RND2: variants seen among roughly 807,000 people sequenced by gnomAD.
The protein encoded by RND2 is rho-related GTP-binding protein RhoN.
A neutral mutation model predicts 25.9 loss-of-function variants in RND2; 16 were observed. That is an observed-to-expected ratio of 0.62 (90% CI 0.42 to 0.94). The LOEUF (loss-of-function observed/expected upper bound fraction) is 0.94, where lower values mean the gene tolerates loss of function less well. RND2 is among the 40% of genes least tolerant of loss of function. The pLI, the probability that RND2 is intolerant of heterozygous loss-of-function variation, is 0.00. For synonymous variants in RND2, 97 were observed against 118.1 expected, an observed-to-expected ratio of 0.82 and a Z score of 1.16; for missense variants, 276 against 305.5, an observed-to-expected ratio of 0.90 and a Z score of 0.72.
In RND2 at chr17:43,025,352, A is replaced by T; in HGVS notation, c.5A>T (p.Glu2Val). Residue 2 changes from glutamate (E) to valine (V), a missense_variant, in exon 1 of 5, where the codon GAG (glutamate) becomes GTG (valine). Coordinates refer to ENST00000587250, the MANE Select transcript of RND2 (RefSeq NM_005440.5). ...GACCGGCGCGTAGCCGGGACCATGG[A>T]GGGGCAGAGCGGCCGCTGCAAGATC... M[E>V]GQSGRCKIVV... 4 of 1,543,792 alleles carry T rather than the reference A, an allele frequency of 2.6e-6. No homozygotes were observed. The highest frequency in any genetic ancestry group is 3.5e-6 in the Non-Finnish European group (4 of 1,144,510).
chr17:43,026,412 G>T (rs1292395023), intron 2 of RND2, among the ~76,000 whole-genome samples: 1 of 152,206 alleles, frequency 6.6e-6, no homozygotes, highest in Admixed American at 6.5e-5. Flanking sequence ...CACTTTGGGA[G>T]GCTGGGGTGG....
At chr17:43,025,529 T>A in intron 1 of RND2, 80 bp downstream of exon 1, 1 of 1,435,976 alleles carries the variant, frequency 7.0e-7, no homozygotes, top group Non-Finnish European at 9.2e-7. Flanking sequence ...CGGATGGGAA[T>A]GGGTACTCGG....
Position 43,025,239 on chromosome 17 carries a change from G to A in RND2, c.-109G>A. On this transcript the variant is annotated 5_prime_UTR_variant, in exon 1 of 5. Transcript: ENST00000587250. ...CGGGGCGGGGGCTCGGCGCGGGCCC[G>A]CGAGATGCCGGTGTTGGCGGCCCGA... 2 of 921,126 alleles carry A rather than the reference G, an allele frequency of 2.2e-6. No homozygotes were observed. The highest frequency in any genetic ancestry group is 2.8e-6 in the Non-Finnish European group (2 of 716,746). The allele number at this position is 921,126 out of a possible 1,614,324, so 57.1% of individuals were successfully genotyped here.
In RND2 at chr17:43,028,650, G is replaced by A. The variant is rs1175424643; in HGVS notation, c.654G>A (p.Lys218=). 1.9e-6 allele frequency: 3 copies of A among 1,594,258 alleles called. No individual in the cohort carries two copies. In the East Asian group the frequency reaches 6.8e-5, roughly 36 times the overall value. ...GGGGGAATGAGGGCGAGATACACAAGGATCGAGCCAAAAGCTGCAACCTCA... is the reference window on the plus strand; with the variant it reads ...GGGGGAATGAGGGCGAGATACACAAAGATCGAGCCAAAAGCTGCAACCTCA... ...PDRGNEGEIH[K]DRAKSCNLM Residue 218 remains lysine, a synonymous_variant, in exon 5 of 5, where the codon AAG becomes AAA. Coordinates refer to ENST00000587250, the MANE Select transcript of RND2 (RefSeq NM_005440.5).
Position 43,026,014 on chromosome 17 carries a change from C to T in RND2, c.157C>T (p.Arg53Cys). ...NYTASFEIDK[R>C]RIELNMWDTS... ...CACTGCGAGCTTTGAGATCGACAAGCGCCGCATTGAGCTCAACATGTGGGA... is the reference window on the plus strand; with the variant it reads ...CACTGCGAGCTTTGAGATCGACAAGTGCCGCATTGAGCTCAACATGTGGGA... Residue 53 changes from arginine (R) to cysteine (C), a missense_variant, in exon 2 of 5, where the codon CGC (arginine) becomes TGC (cysteine). Arg to Cys is a radical substitution (Grantham distance 180). Transcript: ENST00000587250. 9 of 1,612,898 alleles carry T rather than the reference C, an allele frequency of 5.6e-6. No homozygotes were observed. Among genetic ancestry groups the T allele is most frequent in the Non-Finnish European group, 7.6e-6 (9 of 1,179,110 alleles).
rs2050670527 is a variant in RND2, at chr17:43,031,318, T to C, written c.*2638T>C. 1 of 152,122 alleles carries C rather than the reference T, an allele frequency of 6.6e-6. No individual in the cohort carries two copies. Among genetic ancestry groups the C allele is most frequent in the African/African-American group, 2.4e-5 (1 of 41,412 alleles). The allele number at this position is 152,122 out of a possible 1,614,324, so 9.4% of individuals were successfully genotyped here. A position where few individuals can be genotyped will look rare whatever the true frequency, so the allele number is the denominator to read the frequency against. ...ATAACTTCAATGGCATTTGAAATTA[T>C]CTAAGTGTGCTTGGATAACCACCCC... On this transcript the variant is annotated 3_prime_UTR_variant, in exon 5 of 5. Coordinates refer to ENST00000587250, the MANE Select transcript of RND2 (RefSeq NM_005440.5).
In RND2 at chr17:43,027,183, G is replaced by T. The variant is rs763612742; in HGVS notation, c.191G>T (p.Gly64Val). 46 of 1,593,796 alleles carry T rather than the reference G, an allele frequency of 2.9e-5. No individual in the cohort carries two copies. The highest frequency in any genetic ancestry group is 3.6e-5 in the Non-Finnish European group (42 of 1,168,790). ...CCCCTCATGCCCTGTCTTCCTTCAG[G>T]TTCCTCTTACTATGATAATGTCCGG... The part of the protein sequence containing the change: ...RIELNMWDTS[G>V]SSYYDNVRPL... Residue 64 changes from glycine to valine, a missense_variant and splice_region_variant, in exon 3 of 5, where the codon GGT becomes GTT. Physicochemically the swap from Gly to Val is moderately radical, Grantham distance 109. Transcript: ENST00000587250.
chr17:43,026,674 T>G (rs2050625708), intron 2 of RND2, among the ~76,000 whole-genome samples: 1 of 151,960 alleles, frequency 6.6e-6, no homozygotes, highest in Admixed American at 6.6e-5. Context: ...AGAAAAGACA[T>G]TTAGAATGTC....
chr17:43,027,601 A>G (rs1049767600), intron 3 of RND2, among the ~76,000 whole-genome samples: 2 of 152,138 alleles, frequency 1.3e-5, no homozygotes, highest in Admixed American at 6.5e-5. Context: ...AGGGGATGGG[A>G]TGGGAAGCCT....
chr17:43,028,616 G>A lies in RND2; in HGVS notation c.620G>A (p.Arg207Gln), dbSNP rs779562018. ...GMQRSAQLSG[R>Q]PDRGNEGEIH... The stretch of plus-strand genomic sequence containing the variant: ...CAGCGATCCGCTCAGCTGTCAGGAC[G>A]GCCAGACCGGGGGAATGAGGGCGAG... Residue 207 changes from arginine to glutamine, a missense_variant, in exon 5 of 5, where the codon CGG (arginine) becomes CAG (glutamine). Physicochemically the swap from Arg to Gln is conservative, Grantham distance 43 (BLOSUM62 1). Transcript: ENST00000587250. The A allele has an allele frequency of 6.2e-6, 10 of 1,612,496 alleles. No homozygotes were observed. The highest frequency in any genetic ancestry group is 2.2e-5 in the South Asian group (2 of 90,816).
At chr17:43,027,330 G>C (rs765594595) in intron 3 of RND2, 38 bp downstream of exon 3, 1 of 1,395,450 alleles carries the variant, frequency 7.2e-7, no homozygotes, top group South Asian at 1.2e-5. Context: ...AGACTGAGGG[G>C]GACCAGACCA....
chr17:43,027,067 T>C, intron 2 of RND2, 116 bp from the exon 3 acceptor site: 2 of 636,516 alleles, frequency 3.1e-6, no homozygotes, highest in Non-Finnish European at 5.5e-6. Context: ...TGGGTATTAA[T>C]GGTTGCTCTT....
chr17:43,025,758 C>T (rs2050615679), intron 1 of RND2, among the ~76,000 whole-genome samples: 1 of 98,926 alleles, frequency 1.0e-5, no homozygotes, highest in Non-Finnish European at 1.9e-5. Flanking sequence ...CAGAAGGGAA[C>T]AGGAGGAGGT....
In RND2 at chr17:43,029,968, G is replaced by A. The variant is rs1047800480; in HGVS notation, c.*1288G>A. On this transcript the variant is annotated 3_prime_UTR_variant, in exon 5 of 5. Coordinates refer to ENST00000587250, the MANE Select transcript of RND2 (RefSeq NM_005440.5). ...CCTCCACATCACAGAAGCTACCCCT[G>A]TACAGCGTGAAGTTTCCTAAGAGGT... 1.3e-5 allele frequency: 2 copies of A among 150,116 alleles called. No homozygotes were observed. The highest frequency in any genetic ancestry group is 6.6e-5 in the Admixed American group (1 of 15,104). 9.3% of individuals were successfully genotyped at this position (150,116 alleles called of 1,614,324 possible). A position where few individuals can be genotyped will look rare whatever the true frequency, so the allele number is the denominator to read the frequency against.
rs1418123295 is a variant in RND2, at chr17:43,030,791, G to A, written c.*2111G>A. 6.6e-6 allele frequency: 1 copy of A among 152,250 alleles called. No homozygotes were observed. The highest frequency in any genetic ancestry group is 1.5e-5 in the Non-Finnish European group (1 of 68,080). 9.4% of individuals were successfully genotyped at this position (152,250 alleles called of 1,614,324 possible). On this transcript the variant is annotated 3_prime_UTR_variant, in exon 5 of 5. Coordinates refer to ENST00000587250, the MANE Select transcript of RND2 (RefSeq NM_005440.5). ...CACTGAGGCTACTGCAGGGTCCACA[G>A]AGGAATCAGAATTTCATTCTGAGGA... is the stretch of plus-strand genomic sequence containing the variant.
chr17:43,028,109 G>A lies in RND2; in HGVS notation c.349G>A (p.Val117Ile), dbSNP rs2050638774. 1.2e-6 allele frequency: 2 copies of A among 1,614,032 alleles called. No homozygotes were observed. The highest frequency in any genetic ancestry group is 1.7e-6 in the Non-Finnish European group (2 of 1,180,042). Residue 117 changes from valine (V) to isoleucine (I), a missense_variant, in exon 4 of 5, where the codon GTT (valine) becomes ATT (isoleucine). Transcript: ENST00000587250. ...CTGCCCCAATGCCAAGGTTGTGCTG[G>A]TTGGCTGTAAACTGGACATGCGGAC... is the stretch of plus-strand genomic sequence containing the variant. ...EFCPNAKVVL[V>I]GCKLDMRTDL...
chr17:43,027,330 G>A, intron 3 of RND2, 38 bp downstream of exon 3: 2 of 1,395,444 alleles, frequency 1.4e-6, no homozygotes, highest in East Asian at 2.3e-5. Flanking sequence ...AGACTGAGGG[G>A]GACCAGACCA....
chr17:43,026,998 C>T (rs2050628128), intron 2 of RND2, among the ~76,000 whole-genome samples, 185 bp from the exon 3 acceptor site: 1 of 152,210 alleles, frequency 6.6e-6, no homozygotes, highest in Admixed American at 6.5e-5. Flanking sequence ...CACCATGTGA[C>T]CTCCCTTCTG....
chr17:43,026,320 G>T, intron 2 of RND2: 1 of 437,020 alleles, frequency 2.3e-6, no homozygotes, highest in Non-Finnish European at 4.2e-6. Flanking sequence ...TTTTAATTTG[G>T]AACATGTTCC....
Sources: gnomAD v4.1 joint callset for allele counts (sites outside exome capture counted in the v4.1 genomes callset) on GRCh38, gnomAD v4.1.1 for gene constraint, MANE v1.5 for transcripts, NCBI Gene and HGNC (gene_info 2026-07-23, HGNC 2026-07-21) for gene names.